Variants in SLIT3 observed in about 807,000 individuals in gnomAD.
SLIT3 encodes slit homolog 3 protein.
SLIT3 carries 68 observed loss-of-function variants against 184.0 expected under a neutral mutation model. The observed-to-expected ratio is 0.37, with a 90% CI of 0.30 to 0.45. SLIT3 has a LOEUF of 0.45. Among genes scored for constraint, SLIT3 ranks in the 20% least tolerant of loss-of-function variants. The pLI is 1.00. For synonymous variants in SLIT3, 831 were observed against 828.6 expected (o/e 1.00, Z -0.05); for missense variants, 1,707 against 2,026.0 (o/e 0.84, Z 3.02).
chr5:169,049,077 C>T (rs188757059), intron 4 of SLIT3, among the ~76,000 whole-genome samples: 152 of 152,206 alleles, frequency 1.0e-3, no homozygotes, highest in African/African-American at 3.3e-3. Flanking sequence ...CCTGTGAGGG[C>T]GCCAGGGCTA....
At chr5:168,994,267 G>A (rs1203090622) in intron 4 of SLIT3, 1 of 152,244 alleles carries the variant, frequency 6.6e-6, no homozygotes, top group Non-Finnish European at 1.5e-5. Flanking sequence ...TCTGCTGCTG[G>A]AGCTGGTGAA....
chr5:169,062,592 C>T (rs181786371), intron 4 of SLIT3, among the ~76,000 whole-genome samples: 30 of 152,338 alleles, frequency 2.0e-4, no homozygotes, highest in Admixed American at 1.4e-3. Flanking sequence ...TTGCTCCTGC[C>T]GTTAGATACT....
chr5:169,203,745 G>C (rs11745067), intron 3 of SLIT3, among the ~76,000 whole-genome samples: 22,855 of 152,068 alleles, frequency 0.15, 2,070 homozygotes, highest in East Asian at 0.45. Flanking sequence ...GACAGGATTT[G>C]CTGATGGATT....
chr5:168,687,725 G>T (rs796309473), intron 29 of SLIT3, among the ~76,000 whole-genome samples: 1 of 152,204 alleles, frequency 6.6e-6, no homozygotes, highest in Non-Finnish European at 1.5e-5. Flanking sequence ...GATATGATAT[G>T]CTTTGTGTAG....
At chr5:168,799,151 C>T (rs1048682570) in intron 9 of SLIT3, among the ~76,000 whole-genome samples, 2 of 152,190 alleles carry the variant, frequency 1.3e-5, no homozygotes, top group Non-Finnish European at 2.9e-5. Flanking sequence ...AGTCTCTGTG[C>T]AGCAGGTACT....
chr5:169,245,529 A>G (rs1765560538), intron 2 of SLIT3, among the ~76,000 whole-genome samples: 1 of 152,220 alleles, frequency 6.6e-6, no homozygotes, highest in South Asian at 2.1e-4. Flanking sequence ...CAATGAAGCT[A>G]TGTAGCTTCC....
At chr5:169,093,154 G>A (rs1759651580) in intron 4 of SLIT3, among the ~76,000 whole-genome samples, 1 of 152,180 alleles carries the variant, frequency 6.6e-6, no homozygotes, top group Admixed American at 6.5e-5. Context: ...ACAGGACCCA[G>A]GTACAGCCAG....
At chr5:168,834,642 A>G (rs974343691) in intron 6 of SLIT3, among the ~76,000 whole-genome samples, 195 of 133,846 alleles carry the variant, frequency 1.5e-3, no homozygotes, top group Admixed American at 2.9e-3. Context: ...AGCTGAGATC[A>G]TGCCACTGCA....
chr5:168,954,030 C>T (rs193021212), intron 4 of SLIT3, among the ~76,000 whole-genome samples: 122 of 152,106 alleles, frequency 8.0e-4, no homozygotes, highest in Middle Eastern at 3.4e-3. Flanking sequence ...TCAAAGGTGT[C>T]ATTTCTGCTG....
At chr5:168,968,591 G>A (rs1462257542) in intron 4 of SLIT3, among the ~76,000 whole-genome samples, 1 of 152,222 alleles carries the variant, frequency 6.6e-6, no homozygotes, top group Non-Finnish European at 1.5e-5. Flanking sequence ...TCACTGGGGA[G>A]ACATGACATA....
chr5:168,905,765 G>A lies in SLIT3; in HGVS notation c.414-22429C>T, dbSNP rs150368255. ...GCTGAACCACAGCGTTTCCTTGGAG[G>A]AGCCTGGGTTAGCATGCCTGCCCTG... On this transcript the variant is annotated intron_variant, in intron 4 of 35. Coordinates refer to ENST00000519560, the MANE Select transcript of SLIT3 (RefSeq NM_003062.4). Among the ~76,000 whole-genome samples the A allele has an allele frequency of 7.1e-3, 1,080 of 152,306 alleles. 5 individuals carry two copies. Among genetic ancestry groups the A allele is most frequent in the Non-Finnish European group, 1.0e-2 (677 of 68,026 alleles).
At chr5:169,124,580 G>A (rs1761006523) in intron 4 of SLIT3, among the ~76,000 whole-genome samples, 1 of 152,198 alleles carries the variant, frequency 6.6e-6, no homozygotes, top group Non-Finnish European at 1.5e-5. Context: ...AAGTATAGAT[G>A]TAGATATGGA....
intron 4 of SLIT3, among the ~76,000 whole-genome samples, chr5:169,085,737 G>A (rs987117551): frequency 1.3e-5 from 2 of 152,186 alleles, no homozygotes; most frequent in East Asian, 1.9e-4. Context: ...CAATGCCTAC[G>A]CTCTGTCATC....
intron 6 of SLIT3, among the ~76,000 whole-genome samples, chr5:168,827,083 C>T (rs965456490): frequency 1.3e-5 from 2 of 152,250 alleles, no homozygotes; most frequent in Middle Eastern, 3.4e-3. Flanking sequence ...TCATTTAATT[C>T]CTCCAATTAT....
intron 4 of SLIT3, among the ~76,000 whole-genome samples, chr5:169,082,619 G>A (rs1486504805): frequency 6.6e-6 from 1 of 152,170 alleles, no homozygotes; most frequent in East Asian, 1.9e-4. Context: ...CCTGAATCCT[G>A]TGGTAGAATT....
chr5:168,739,790 C>G (rs1763563995), intron 20 of SLIT3, among the ~76,000 whole-genome samples: 1 of 152,164 alleles, frequency 6.6e-6, no homozygotes, highest in South Asian at 2.1e-4. Flanking sequence ...AATTTCTTAT[C>G]CTTCATCCAA....
intron 20 of SLIT3, among the ~76,000 whole-genome samples, chr5:168,733,750 C>A (rs981559252): frequency 6.8e-6 from 1 of 148,050 alleles, no homozygotes; most frequent in South Asian, 2.1e-4. Context: ...ACCTACATAA[C>A]AAACCTGTAC....
rs918443079 is a variant in SLIT3 at position 168,947,343 on chromosome 5, G to A, written c.414-64007C>T. Among the ~76,000 whole-genome samples the A allele has an allele frequency of 5.9e-5, 9 of 152,256 alleles. No individual in the cohort carries two copies. The East Asian group carries it at 1.7e-3, about 29-fold the overall frequency. On this transcript the variant is annotated intron_variant, in intron 4 of 35. Coordinates refer to ENST00000519560, the MANE Select transcript of SLIT3 (RefSeq NM_003062.4). ...GTGTCATCTCTGCAGACTGCACTCT[G>A]GGATGTTCCCTGGGTCCCTCGGGAG...
chr5:168,799,153 G>C (rs769920355), intron 9 of SLIT3, among the ~76,000 whole-genome samples: 34 of 152,190 alleles, frequency 2.2e-4, no homozygotes, highest in Non-Finnish European at 4.4e-5. Flanking sequence ...TCTCTGTGCA[G>C]CAGGTACTCC....
Sources: gnomAD v4.1 joint callset for allele counts (sites outside exome capture counted in the v4.1 genomes callset) on GRCh38, gnomAD v4.1.1 for gene constraint, MANE v1.5 for transcripts, NCBI Gene and HGNC (gene_info 2026-07-23, HGNC 2026-07-21) for gene names.